The following CFAP74 variants were observed in gnomAD, a reference collection of about 807,000 sequenced individuals.
CFAP74 encodes the protein cilia- and flagella-associated protein 74.
CFAP74 carries 124 observed loss-of-function variants against 188.9 expected under a neutral mutation model. The observed-to-expected ratio is 0.66, with a 90% confidence interval of 0.57 to 0.76. The LOEUF (loss-of-function observed/expected upper bound fraction) is 0.76, where lower values mean the gene tolerates loss of function less well. Among genes scored for constraint, CFAP74 ranks in the 30% least tolerant of loss-of-function variants. The pLI is 0.00. For synonymous variants in CFAP74, 956 were observed against 916.7 expected (o/e 1.04, Z -0.77); for missense variants, 2,198 against 2,165.2 (o/e 1.02, Z -0.30).
Position 1,937,112 on chromosome 1 carries a change from CAG to C in CFAP74, c.3011+1741_3011+1742del, listed in dbSNP as rs374588253. On this transcript the variant is annotated intron_variant, in intron 25 of 38. Transcript: ENST00000682832. Reference sequence around the variant, plus strand: ...CAGCCTAAGGACTCCACGTGTGCCTCAGAGAGTTCAGAAAGTGATACAGGGTT... The same window carrying C: ...CAGCCTAAGGACTCCACGTGTGCCTCAGAGTTCAGAAAGTGATACAGGGTT... Among the ~76,000 whole-genome samples, 349 of 152,304 alleles carry C rather than the reference CAG, an allele frequency of 2.3e-3. 1 individual carries two copies. Among genetic ancestry groups the C allele is most frequent in the African/African-American group, 8.0e-3 (334 of 41,566 alleles).
intron 1 of CFAP74, among the ~76,000 whole-genome samples, chr1:1,991,571 C>A (rs930068445): frequency 4.6e-5 from 7 of 151,962 alleles, no homozygotes; most frequent in Admixed American, 4.6e-4. Flanking sequence ...CCACTGCACT[C>A]CAGCCTGGGG....
In CFAP74 at chr1:1,959,153, T is replaced by C. The variant is rs763110003; in HGVS notation, c.1818A>G (p.Ser606=). 13 of 1,613,220 alleles carry C rather than the reference T, an allele frequency of 8.1e-6. No individual in the cohort carries two copies. The Admixed American group carries it at 1.5e-4, about 19-fold the overall frequency. ...ISFLAQTGEF[S]VPLKCSTKKC... is the part of the protein sequence containing the mutation. ...TCTTTGTTGAACATTTCAGTGGAAC[T>C]GAAAACTCGCCCGTCTGAGCCAAAA... Residue 606 remains serine, a synonymous_variant, in exon 16 of 39, where the codon TCA becomes TCG. Coordinates refer to ENST00000682832, the MANE Select transcript of CFAP74 (RefSeq NM_001304360.2).
intron 6 of CFAP74, among the ~76,000 whole-genome samples, chr1:1,981,772 C>T (rs1181832577): frequency 1.5e-5 from 2 of 137,388 alleles, no homozygotes; most frequent in Non-Finnish European, 3.1e-5. Flanking sequence ...CGCGGGGGCA[C>T]GCAGGACACC....
intron 6 of CFAP74, among the ~76,000 whole-genome samples, chr1:1,980,476 G>T (rs1311958155): frequency 6.8e-6 from 1 of 146,536 alleles, no homozygotes; most frequent in Non-Finnish European, 1.5e-5. Flanking sequence ...TAAGCCACCG[G>T]CACAGATCGC....
At chr1:1,982,956 A>C (rs1570973950) in intron 6 of CFAP74, among the ~76,000 whole-genome samples, 1 of 152,366 alleles carries the variant, frequency 6.6e-6, no homozygotes, top group Admixed American at 6.5e-5. Flanking sequence ...GCAGGGAAGA[A>C]GAAGGGAACC....
chr1:1,986,903 C>T (rs749744982), intron 5 of CFAP74, 34 bp downstream of exon 5: 4 of 1,566,498 alleles, frequency 2.6e-6, no homozygotes, highest in Non-Finnish European at 3.5e-6. Context: ...TGACCTCATG[C>T]CCGGTTCCCT....
Position 1,976,324 on chromosome 1 carries a change from C to T in CFAP74, c.501-2126G>A, listed in dbSNP as rs573045928. ...GCGGCTCCCTCATGAACGGGTGGGC[C>T]GTCTCCTTGGTGACGAGTGAGTTCA... On this transcript the variant is annotated intron_variant, in intron 6 of 38. Transcript: ENST00000682832. Among the ~76,000 whole-genome samples, 15 of 152,294 alleles carry T rather than the reference C, an allele frequency of 9.8e-5. No individual in the cohort carries two copies. The South Asian group carries it at 2.1e-3, about 21-fold the overall frequency.
At chr1:1,965,629 G>A (rs1054382682) in intron 12 of CFAP74, among the ~76,000 whole-genome samples, 2 of 151,074 alleles carry the variant, frequency 1.3e-5, no homozygotes, top group Non-Finnish European at 3.0e-5. Flanking sequence ...CCCGGCAGCC[G>A]GGCAGCCTCC....
rs932606118 is a variant in CFAP74, at chr1:1,966,599, C to A, written c.1246-73G>T. The A allele has an allele frequency of 3.7e-6, 5 of 1,359,916 alleles. No homozygotes were observed. The African/African-American group carries it at 5.9e-5, about 16-fold the overall frequency. 84.2% of individuals were successfully genotyped at this position (1,359,916 alleles called of 1,614,324 possible). A position where few individuals can be genotyped will look rare whatever the true frequency, so the allele number is the denominator to read the frequency against. ...ACAGGGAAGAGAAACTCGGCCCAGC[C>A]CCCGCCGGTATGGCCCGCTGCCTGC... is the stretch of plus-strand genomic sequence containing the variant. On this transcript the variant is annotated intron_variant, in intron 11 of 38. Coordinates refer to ENST00000682832, the MANE Select transcript of CFAP74 (RefSeq NM_001304360.2).
intron 6 of CFAP74, among the ~76,000 whole-genome samples, chr1:1,982,320 A>G (rs1490499512): frequency 2.0e-5 from 3 of 147,632 alleles, no homozygotes; most frequent in Non-Finnish European, 4.5e-5. Flanking sequence ...AGCCGTGGTC[A>G]CACGCGGGGA....
rs1240205013 is a variant in CFAP74 at position 1,955,514 on chromosome 1, A to C, written c.2176+177T>G. 10 of 1,605,668 alleles carry C rather than the reference A, an allele frequency of 6.2e-6. No individual in the cohort carries two copies. In the African/African-American group the frequency reaches 1.3e-4, roughly 21 times the overall value. The stretch of plus-strand genomic sequence containing the variant: ...GTGAATGTACATTTTCGTCCACTCC[A>C]AAAACAACACTTAGTGGCACATAAG... On this transcript the variant is annotated intron_variant, in intron 18 of 38. Transcript: ENST00000682832.
chr1:1,955,585 A>G (rs779467159), intron 18 of CFAP74, 106 bp downstream of exon 18: 1 of 1,611,540 alleles, frequency 6.2e-7, no homozygotes, highest in South Asian at 1.1e-5. Flanking sequence ...GGCCTAGGAA[A>G]ATTCTCTACT....
At chr1:1,932,093 A>AAAAAAC (rs1246446828) in intron 25 of CFAP74, among the ~76,000 whole-genome samples, 1 of 138,770 alleles carries the variant, frequency 7.2e-6, no homozygotes, top group Admixed American at 7.5e-5. Context: ...AAAACAAAAA[A>AAAAAAC]CAAAAAACTT....
chr1:1,923,745 C>CGGGCT lies in CFAP74; in HGVS notation c.4389+25_4389+29dup. The CGGGCT allele has an allele frequency of 1.2e-6, 2 of 1,612,858 alleles. No individual in the cohort carries two copies. Among genetic ancestry groups the CGGGCT allele is most frequent in the Non-Finnish European group, 8.5e-7 (1 of 1,179,756 alleles). On this transcript the variant is annotated intron_variant, in intron 35 of 38. Transcript: ENST00000682832. This position sits in a 1 kb window ranked among gnomAD's most constrained non-coding sequence, Gnocchi z 6.3. ...GCCCTGCGTGGGGCCAGGGCCGGGCCGGGCTGAGCTTGCAGAGCCAGAGCC... is the reference window on the plus strand; with the variant it reads ...GCCCTGCGTGGGGCCAGGGCCGGGCCGGGCTGGGCTGAGCTTGCAGAGCCAGAGCC...
At chr1:1,963,140 C>T (rs1002150751) in intron 14 of CFAP74, among the ~76,000 whole-genome samples, 2 of 152,142 alleles carry the variant, frequency 1.3e-5, no homozygotes, top group African/African-American at 2.4e-5. Context: ...TGGTCAACAT[C>T]AAAACATAAC....
intron 25 of CFAP74, among the ~76,000 whole-genome samples, chr1:1,938,498 TCACA>T (rs1447976387): frequency 1.4e-5 from 2 of 147,186 alleles, no homozygotes; most frequent in African/African-American, 5.1e-5. Context: ...ACAAACGCAC[TCACA>T]CACCCCCATA....
intron 33 of CFAP74, among the ~76,000 whole-genome samples, chr1:1,925,168 ACG>A (rs1651772032): frequency 7.1e-6 from 1 of 140,032 alleles, no homozygotes; most frequent in East Asian, 2.3e-4. Flanking sequence ...GCATGAGGGC[ACG>A]CAGGGCAGGG....
In CFAP74 at chr1:1,946,207, G is replaced by T. The variant is rs944825636; in HGVS notation, c.2364+110C>A. Reference sequence around the variant, plus strand: ...TGCCAACCATCCGTGCCACCAACTGGCCATCCCTGCGTGGGCAAATGGCGA... The same window carrying T: ...TGCCAACCATCCGTGCCACCAACTGTCCATCCCTGCGTGGGCAAATGGCGA... On this transcript the variant is annotated intron_variant, in intron 20 of 38. Transcript: ENST00000682832. 8 of 1,338,832 alleles carry T rather than the reference G, an allele frequency of 6.0e-6. No homozygotes were observed. The Admixed American group carries it at 1.3e-4, about 22-fold the overall frequency. The allele number at this position is 1,338,832 out of a possible 1,614,324, so 82.9% of individuals were successfully genotyped here.
At chr1:1,996,543 C>G (rs918029349) in intron 1 of CFAP74, among the ~76,000 whole-genome samples, 2 of 151,994 alleles carry the variant, frequency 1.3e-5, no homozygotes, top group Non-Finnish European at 1.5e-5. Context: ...TTTAAACATA[C>G]GAAAAAATAG....
Sources: allele counts gnomAD v4.1 joint callset (sites outside exome capture counted in the v4.1 genomes callset), GRCh38; gene constraint gnomAD v4.1.1; non-coding constraint Gnocchi (gnomAD v3.1); transcripts MANE v1.5; gene names NCBI Gene and HGNC (gene_info 2026-07-23, HGNC 2026-07-21).